MACC1: variants seen among roughly 807,000 people sequenced by gnomAD.
The protein encoded by MACC1 is MET transcriptional regulator MACC1.
Under a neutral mutation model 70.7 loss-of-function variants are expected in MACC1, and 79 were observed. The observed-to-expected ratio is 1.12, with a 90% CI of 0.93 to 1.35. The LOEUF is 1.35. Ranked by LOEUF, MACC1 falls within the 40% of genes most tolerant of loss-of-function variation. The pLI, the probability that MACC1 is intolerant of heterozygous loss-of-function variation, is 0.00. For missense variants in MACC1, 1,106 were observed against 978.1 expected (o/e 1.13, Z -1.74); for synonymous variants, 361 against 347.2 (o/e 1.04, Z -0.44).
At chr7:20,141,179 T>C (rs754568089) in intron 6 of MACC1, 21 bp from the exon 7 acceptor site, 13 of 1,511,880 alleles carry the variant, frequency 8.6e-6, no homozygotes, top group Admixed American at 8.1e-5. Flanking sequence ...AAAAAATAGA[T>C]TGGAGTAGTG....
intron 1 of MACC1, among the ~76,000 whole-genome samples, chr7:20,174,425 C>T (rs1162682507): frequency 1.3e-5 from 2 of 151,982 alleles, no homozygotes; most frequent in East Asian, 3.9e-4. Context: ...AATTTCATGG[C>T]CCCAGCAAAA....
chr7:20,197,786 G>A (rs969525878), intron 1 of MACC1, among the ~76,000 whole-genome samples: 2 of 152,186 alleles, frequency 1.3e-5, no homozygotes, highest in African/African-American at 4.8e-5. Flanking sequence ...AATTTCAGGT[G>A]AAACAGAAAA....
At chr7:20,185,481 T>TAA (rs11410122) in intron 1 of MACC1, among the ~76,000 whole-genome samples, 9 of 150,770 alleles carry the variant, frequency 6.0e-5, no homozygotes, top group Admixed American at 1.3e-4. Context: ...AAAGTTTATT[T>TAA]AAAAAAAAAA....
At position 20,164,362 on chromosome 7, in the gene MACC1, A is replaced by G. The variant is rs1177676156; in HGVS notation, c.-115T>C. ...ATTCTTGATTTTTTTCTTTTCAAGT[A>G]GTTTTATTTTTTAAAGAAAGCAGAA... On this transcript the variant is annotated 5_prime_UTR_variant, in exon 3 of 7. Coordinates refer to ENST00000400331, the MANE Select transcript of MACC1 (RefSeq NM_182762.4). 6.6e-6 allele frequency: 1 copy of G among 152,142 alleles called. No individual in the cohort carries two copies. Among genetic ancestry groups the G allele is most frequent in the East Asian group, 1.9e-4 (1 of 5,204 alleles). The allele number at this position is 152,142 out of a possible 1,614,324, so 9.4% of individuals were successfully genotyped here.
At chr7:20,208,812 C>T (rs1030984284) in intron 1 of MACC1, among the ~76,000 whole-genome samples, 4 of 152,178 alleles carry the variant, frequency 2.6e-5, no homozygotes, top group African/African-American at 9.7e-5. Flanking sequence ...GGCCCAGAGG[C>T]CTAGGAGGGA....
At chr7:20,170,162 T>C (rs541787061) in intron 2 of MACC1, 1 of 152,368 alleles carries the variant, frequency 6.6e-6, no homozygotes, top group African/African-American at 2.4e-5. Context: ...AGACGTAACT[T>C]CAGACCAATG....
chr7:20,147,160 T>C (rs887904111), intron 6 of MACC1, among the ~76,000 whole-genome samples: 4 of 152,038 alleles, frequency 2.6e-5, no homozygotes, highest in African/African-American at 4.8e-5. Flanking sequence ...AGAAATGAAA[T>C]AGGAATAAAG....
Position 20,164,883 on chromosome 7 carries a change from T to C in MACC1, c.-152-484A>G, listed in dbSNP as rs1281118033. 2.4e-5 allele frequency among the ~76,000 whole-genome samples: 3 copies of C among 123,132 alleles called. No homozygotes were observed. In the East Asian group the frequency reaches 9.2e-4, roughly 38 times the overall value. The allele number at this position is 123,132 out of a possible 152,430, so 80.8% of individuals were successfully genotyped here. On this transcript the variant is annotated intron_variant, in intron 2 of 6. Transcript: ENST00000400331. ...TTCTTAAAAAATCAACTTAGTAAAC[T>C]ACCTAAACTCTTTTTTTTTTTATGA...
intron 1 of MACC1, among the ~76,000 whole-genome samples, chr7:20,198,172 T>C (rs1030209245): frequency 2.6e-5 from 4 of 152,150 alleles, no homozygotes; most frequent in African/African-American, 9.7e-5. Flanking sequence ...CCTGAGGGCA[T>C]GTGATATGTG....
intron 6 of MACC1, among the ~76,000 whole-genome samples, chr7:20,143,577 G>A (rs144599138): frequency 0.01 from 1,533 of 152,040 alleles, 13 homozygotes; most frequent in Non-Finnish European, 0.016. Flanking sequence ...TTTTAGTAGA[G>A]ACAGGGTTTC....
In MACC1 at chr7:20,140,802, T is replaced by TAC. The variant is rs10555255; in HGVS notation, c.*142_*143dup. On this transcript the variant is annotated 3_prime_UTR_variant, in exon 7 of 7. Transcript: ENST00000400331. The stretch of plus-strand genomic sequence containing the variant: ...TGCTTTTCTGAGATTCTTTCTTTCC[T>TAC]ACACACACACACACACACACACAGA... The TAC allele has an allele frequency of 8.6e-3, 3,920 of 456,506 alleles. 10 individuals are homozygous for TAC. The highest frequency in any genetic ancestry group is 0.017 in the African/African-American group (705 of 40,466). 28.3% of individuals were successfully genotyped at this position (456,506 alleles called of 1,614,324 possible). A position where few individuals can be genotyped will look rare whatever the true frequency, so the allele number is the denominator to read the frequency against.
chr7:20,161,852 G>C lies in MACC1; in HGVS notation c.11C>G (p.Thr4Ser). The C allele has an allele frequency of 6.2e-7, 1 of 1,608,228 alleles. No individual in the cohort carries two copies. The highest frequency in any genetic ancestry group is 8.5e-7 in the Non-Finnish European group (1 of 1,175,212). MLITERKHFRSGRI... is the reference protein window; with the variant it reads MLISERKHFRSGRI... ...TCCTGACCGAAAATGTTTTCTTTCA[G>C]TGATTAGCATTTTTCCACCTACAAA... Residue 4 changes from threonine to serine, a missense_variant, in exon 4 of 7, where the codon ACT becomes AGT. By Grantham distance (58) the Thr-to-Ser change is moderately conservative (BLOSUM62 1). Coordinates refer to ENST00000400331, the MANE Select transcript of MACC1 (RefSeq NM_182762.4).
chr7:20,136,722 A>G lies in MACC1; in HGVS notation c.*4224T>C, dbSNP rs1321920305. On this transcript the variant is annotated 3_prime_UTR_variant, in exon 7 of 7. Coordinates refer to ENST00000400331, the MANE Select transcript of MACC1 (RefSeq NM_182762.4). ...TTTAGAACTTCACTCTCACTAAACC[A>G]TACAGCAGCATGTGGGAGAAAAGTT... 3 of 151,994 alleles carry G rather than the reference A, an allele frequency of 2.0e-5. No homozygotes were observed. Among genetic ancestry groups the G allele is most frequent in the Non-Finnish European group, 2.9e-5 (2 of 67,978 alleles). 9.4% of individuals were successfully genotyped at this position (151,994 alleles called of 1,614,324 possible). A position where few individuals can be genotyped will look rare whatever the true frequency, so the allele number is the denominator to read the frequency against.
rs977606033 is a variant in MACC1 at position 20,159,255 on chromosome 7, G to A, written c.1106C>T (p.Thr369Ile). ...GGGTCCATAAATTCCAATTGAGGTG[G>A]TTTTGTGGATATAATCCCAAATGGT... is the stretch of plus-strand genomic sequence containing the variant. ...AATIWDYIHK[T>I]TSIGIYGPKY... Residue 369 changes from threonine (T) to isoleucine (I), a missense_variant, in exon 5 of 7, where the codon ACC (threonine) becomes ATC (isoleucine). Thr to Ile is a moderately conservative substitution (Grantham distance 89). Coordinates refer to ENST00000400331, the MANE Select transcript of MACC1 (RefSeq NM_182762.4). The A allele has an allele frequency of 1.2e-6, 2 of 1,613,976 alleles. No individual in the cohort carries two copies. Among genetic ancestry groups the A allele is most frequent in the South Asian group, 1.1e-5 (1 of 91,034 alleles).
chr7:20,177,720 GTTGTT>G (rs1467631734), intron 1 of MACC1, among the ~76,000 whole-genome samples: 30 of 88,210 alleles, frequency 3.4e-4, no homozygotes, highest in African/African-American at 1.5e-3. Flanking sequence ...AGCTGCCTTT[GTTGTT>G]TTTTTTTTTT....
intron 6 of MACC1, chr7:20,147,322 T>C (rs924629304): frequency 2.0e-5 from 3 of 152,176 alleles, no homozygotes; most frequent in Admixed American, 6.5e-5. Context: ...GCTTATAAAA[T>C]ATGAATAGCA....
At chr7:20,164,640 T>A (rs895009192) in intron 2 of MACC1, among the ~76,000 whole-genome samples, 22 of 152,334 alleles carry the variant, frequency 1.4e-4, no homozygotes, top group Admixed American at 8.5e-4. Flanking sequence ...ATATTCAAGT[T>A]GCACGGAAAC....
Position 20,137,378 on chromosome 7 carries a change from G to T in MACC1, c.*3568C>A, listed in dbSNP as rs1256674691. 1.3e-5 allele frequency: 2 copies of T among 152,144 alleles called. No individual in the cohort carries two copies. Among genetic ancestry groups the T allele is most frequent in the South Asian group, 2.1e-4 (1 of 4,828 alleles). 9.4% of individuals were successfully genotyped at this position (152,144 alleles called of 1,614,324 possible). A position where few individuals can be genotyped will look rare whatever the true frequency, so the allele number is the denominator to read the frequency against. On this transcript the variant is annotated 3_prime_UTR_variant, in exon 7 of 7. Coordinates refer to ENST00000400331, the MANE Select transcript of MACC1 (RefSeq NM_182762.4). ...TCTACATTACAGGCCATGAAAATGT[G>T]CTGTATCCATTTATTAGTATGAACA...
intron 1 of MACC1, among the ~76,000 whole-genome samples, chr7:20,172,806 G>C (rs148325794): frequency 1.8e-4 from 28 of 152,258 alleles, no homozygotes; most frequent in African/African-American, 5.8e-4. Flanking sequence ...ATTTAATGCA[G>C]GTGGAATACT....
Sources: gnomAD v4.1 joint callset for allele counts (sites outside exome capture counted in the v4.1 genomes callset) on GRCh38, gnomAD v4.1.1 for gene constraint, MANE v1.5 for transcripts, NCBI Gene and HGNC (gene_info 2026-07-23, HGNC 2026-07-21) for gene names.